Variants in CFAP54 observed in about 807,000 individuals in gnomAD.
The protein encoded by CFAP54 is cilia- and flagella-associated protein 54.
In CFAP54, 290 loss-of-function variants were observed where a neutral mutation model predicts 370.4. That is an observed-to-expected ratio of 0.78 (90% CI 0.71 to 0.86). CFAP54 has a LOEUF of 0.86. Among genes scored for constraint, CFAP54 ranks in the 40% least tolerant of loss-of-function variants. The pLI, the probability that CFAP54 is intolerant of heterozygous loss-of-function variation, is 0.00. For missense variants in CFAP54, 3,399 were observed against 3,528.7 expected (o/e 0.96, Z 0.93); for synonymous variants, 1,206 against 1,236.5 (o/e 0.98, Z 0.52).
chr12:96,814,068 C>T (rs1592779431), intron 64 of CFAP54, among the ~76,000 whole-genome samples: 1 of 152,184 alleles, frequency 6.6e-6, no homozygotes. Flanking sequence ...CTTTGTGGAG[C>T]TAGATGGGGC....
At chr12:96,594,151 T>G in intron 24 of CFAP54, 140 bp from the exon 25 acceptor site, 12 of 543,350 alleles carry the variant, frequency 2.2e-5, no homozygotes, top group African/African-American at 1.9e-5. Flanking sequence ...TTAGAGTTGT[T>G]TCTGAATTTA....
intron 38 of CFAP54, among the ~76,000 whole-genome samples, chr12:96,661,617 C>T (rs17025700): frequency 0.04 from 6,029 of 152,232 alleles, 304 homozygotes; most frequent in African/African-American, 0.11. Flanking sequence ...CTGGAGACTG[C>T]GGGCATGTTA....
At chr12:96,529,576 A>G (rs1050097315) in intron 9 of CFAP54, among the ~76,000 whole-genome samples, 1 of 152,200 alleles carries the variant, frequency 6.6e-6, no homozygotes, top group African/African-American at 2.4e-5. Context: ...GTGTTGCAGT[A>G]TAAACTTAAA....
chr12:96,811,791 A>T lies in CFAP54; in HGVS notation c.8906A>T (p.His2969Leu). 1 of 1,526,418 alleles carries T rather than the reference A, an allele frequency of 6.6e-7. No individual in the cohort carries two copies. Among genetic ancestry groups the T allele is most frequent in the Non-Finnish European group, 8.7e-7 (1 of 1,143,112 alleles). 94.6% of individuals were successfully genotyped at this position (1,526,418 alleles called of 1,614,324 possible). The change falls in exon 64 of 68, where the codon CAT becomes CTT. Residue 2969 changes from histidine (H) to leucine (L), a missense_variant. This residue lies in a region of CFAP54 where 2,796 missense variants were observed against 2,869.7 expected (regional missense o/e 0.97). Transcript: ENST00000524981. The stretch of plus-strand genomic sequence containing the variant: ...CCTCTGAAGATTTCAGATGTTAGAC[A>T]TTCCACTTATAACAGTACATGTGTT... ...LKPLKISDVR[H>L]STYNSTCVGS...
At chr12:96,812,815 C>T (rs1958940433) in intron 64 of CFAP54, among the ~76,000 whole-genome samples, 1 of 152,136 alleles carries the variant, frequency 6.6e-6, no homozygotes, top group African/African-American at 2.4e-5. Context: ...GTTTCAAGTG[C>T]TGGGCATATT....
intron 55 of CFAP54, among the ~76,000 whole-genome samples, chr12:96,749,243 T>C (rs951356018): frequency 6.6e-6 from 1 of 152,178 alleles, no homozygotes; most frequent in Non-Finnish European, 1.5e-5. Flanking sequence ...CCTTACATGG[T>C]GGAAGGGGCA....
At chr12:96,851,401 A>G (rs2136454899) in intron 66 of CFAP54, among the ~76,000 whole-genome samples, 1 of 152,232 alleles carries the variant, frequency 6.6e-6, no homozygotes, top group East Asian at 1.9e-4. Flanking sequence ...TTTCCAAATA[A>G]TAAAGCTCAT....
At chr12:96,767,087 A>T (rs900794827) in intron 60 of CFAP54, among the ~76,000 whole-genome samples, 2 of 152,230 alleles carry the variant, frequency 1.3e-5, no homozygotes, top group African/African-American at 4.8e-5. Context: ...TTCACATCCC[A>T]TCCCATTGGC....
At position 96,850,929 on chromosome 12, in the gene CFAP54, C is replaced by T. The variant is rs536134744; in HGVS notation, c.9172-9890C>T. The stretch of plus-strand genomic sequence containing the variant: ...CCAATCACCTCCCACCAGTTCCCTT[C>T]CTTGACAGGTGGTGATTACAATTTG... On this transcript the variant is annotated intron_variant, in intron 66 of 67. Coordinates refer to ENST00000524981, the MANE Select transcript of CFAP54 (RefSeq NM_001306084.2). Among the ~76,000 whole-genome samples the T allele has an allele frequency of 1.7e-4, 26 of 152,284 alleles. No homozygotes were observed. The South Asian group carries it at 2.7e-3, about 16-fold the overall frequency.
chr12:96,558,128 G>C (rs1471289045), intron 17 of CFAP54, among the ~76,000 whole-genome samples: 1 of 152,048 alleles, frequency 6.6e-6, no homozygotes, highest in Non-Finnish European at 1.5e-5. Flanking sequence ...GGTGCTGGGT[G>C]GTGGTTTACA....
chr12:96,870,240 A>T (rs966556176), intron 67 of CFAP54, among the ~76,000 whole-genome samples: 16 of 152,022 alleles, frequency 1.1e-4, no homozygotes, highest in Non-Finnish European at 1.8e-4. Flanking sequence ...CAGCCTGGCG[A>T]CAGAGTGAGA....
At chr12:96,553,672 C>T (rs1955722080) in intron 15 of CFAP54, among the ~76,000 whole-genome samples, 1 of 151,030 alleles carries the variant, frequency 6.6e-6, no homozygotes, top group South Asian at 2.1e-4. Context: ...TTGCTCTTTA[C>T]ATTATTCTCT....
intron 46 of CFAP54, among the ~76,000 whole-genome samples, chr12:96,703,644 TATA>T (rs1312837174): frequency 1.3e-5 from 2 of 151,566 alleles, no homozygotes; most frequent in Non-Finnish European, 2.9e-5. Context: ...TAGAGCCAAA[TATA>T]ATGACAAGTA....
intron 26 of CFAP54, among the ~76,000 whole-genome samples, chr12:96,615,914 G>T (rs1956411551): frequency 6.6e-6 from 1 of 152,224 alleles, no homozygotes; most frequent in Non-Finnish European, 1.5e-5. Flanking sequence ...CACAGTTGGT[G>T]GGACTGTAAA....
At position 96,744,572 on chromosome 12, in the gene CFAP54, G is replaced by A. The variant is rs529197935; in HGVS notation, c.7684+426G>A. On this transcript the variant is annotated intron_variant, in intron 55 of 67. Transcript: ENST00000524981. ...TAAATTATAACTAACTGTTAAAGAAGATTTTGGAAAGGAATGTGTTAAATG... is the reference window on the plus strand; with the variant it reads ...TAAATTATAACTAACTGTTAAAGAAAATTTTGGAAAGGAATGTGTTAAATG... Among the ~76,000 whole-genome samples, 15 of 152,186 alleles carry A rather than the reference G, an allele frequency of 9.9e-5. 1 individual carries two copies. Among genetic ancestry groups the A allele is most frequent in the African/African-American group, 3.6e-4 (15 of 41,528 alleles).
chr12:96,667,133 G>A (rs1957089406), intron 39 of CFAP54, among the ~76,000 whole-genome samples: 1 of 152,226 alleles, frequency 6.6e-6, no homozygotes, highest in Non-Finnish European at 1.5e-5. Context: ...CTACAGCCTT[G>A]TGGGTTTGCA....
intron 67 of CFAP54, among the ~76,000 whole-genome samples, chr12:96,868,061 C>T (rs1196934952): frequency 6.6e-6 from 1 of 151,980 alleles, no homozygotes; most frequent in Non-Finnish European, 1.5e-5. Context: ...AGACTCATAC[C>T]TAATGGCCTC....
rs1431760692 is a variant in CFAP54, at chr12:96,647,963, G to T, written c.4636G>T (p.Ala1546Ser). 4 of 1,522,998 alleles carry T rather than the reference G, an allele frequency of 2.6e-6. No homozygotes were observed. The highest frequency in any genetic ancestry group is 2.6e-6 in the Non-Finnish European group (3 of 1,143,074). 94.3% of individuals were successfully genotyped at this position (1,522,998 alleles called of 1,614,324 possible). A position where few individuals can be genotyped will look rare whatever the true frequency, so the allele number is the denominator to read the frequency against. Residue 1546 changes from alanine to serine, a missense_variant, in exon 34 of 68, where the codon GCA becomes TCA. By Grantham distance (99) the Ala-to-Ser change is moderately conservative. Around this residue, in one of 3 missense-constraint regions of CFAP54, gnomAD observed 2,796 missense variants for 2,869.7 expected, o/e 0.97. Coordinates refer to ENST00000524981, the MANE Select transcript of CFAP54 (RefSeq NM_001306084.2). ...TRKLTVENYK[A>S]MLDFLLTAKK... is the part of the protein sequence containing the mutation. ...AAAATTGACTGTAGAAAATTATAAA[G>T]CAATGCTTGATTTCCTTCTTACAGC...
chr12:96,778,820 A>G (rs1958551709), intron 60 of CFAP54, among the ~76,000 whole-genome samples: 1 of 152,136 alleles, frequency 6.6e-6, no homozygotes. Context: ...AAAGAACACA[A>G]ATCATGGCCG....
Sources: allele counts gnomAD v4.1 joint callset (sites outside exome capture counted in the v4.1 genomes callset), GRCh38; gene constraint gnomAD v4.1.1; regional missense constraint gnomAD v4.1.1; transcripts MANE v1.5; gene names NCBI Gene and HGNC (gene_info 2026-07-23, HGNC 2026-07-21).